GNAT1: variants seen among roughly 807,000 people sequenced by gnomAD.
GNAT1 encodes G protein subunit alpha transducin 1.
Under a neutral mutation model 40.0 loss-of-function variants are expected in GNAT1, and 36 were observed. The observed-to-expected ratio is 0.90, with a 90% CI of 0.69 to 1.19. The LOEUF (loss-of-function observed/expected upper bound fraction) is 1.19, where lower values mean the gene tolerates loss of function less well. Among genes scored for constraint, GNAT1 ranks in the 50% most tolerant of loss-of-function variants. GNAT1 has a pLI of 0.00. For synonymous variants in GNAT1, 195 were observed against 192.9 expected (o/e 1.01, Z -0.09); for missense variants, 413 against 480.6 (o/e 0.86, Z 1.32).
Position 50,191,625 on chromosome 3 carries a change from C to T in GNAT1, c.-101C>T. On this transcript the variant is annotated 5_prime_UTR_variant, in exon 1 of 9. Coordinates refer to ENST00000232461, the MANE Select transcript of GNAT1 (RefSeq NM_144499.3). ...GTAGAGAGCCAGTTGATTGCAGGTCCTCCTGGGGCCAGAAGGGTGCCTGGG... is the reference window on the plus strand; with the variant it reads ...GTAGAGAGCCAGTTGATTGCAGGTCTTCCTGGGGCCAGAAGGGTGCCTGGG... 1 of 847,020 alleles carries T rather than the reference C, an allele frequency of 1.2e-6. No individual in the cohort carries two copies. The highest frequency in any genetic ancestry group is 2.0e-6 in the Non-Finnish European group (1 of 492,454). 52.5% of individuals were successfully genotyped at this position (847,020 alleles called of 1,614,324 possible). A position where few individuals can be genotyped will look rare whatever the true frequency, so the allele number is the denominator to read the frequency against.
In GNAT1 at chr3:50,194,020, C is replaced by A; in HGVS notation, c.579-72C>A. The stretch of plus-strand genomic sequence containing the variant: ...GTGGTAGTCCCGGCCGAGAGCTCCC[C>A]GACCAGCACAGGGCGAAGGGATGTT... On this transcript the variant is annotated intron_variant, in intron 5 of 8. Coordinates refer to ENST00000232461, the MANE Select transcript of GNAT1 (RefSeq NM_144499.3). This position sits in a 1 kb window ranked among gnomAD's most constrained non-coding sequence, Gnocchi z 6.1. The A allele has an allele frequency of 6.2e-7, 1 of 1,608,914 alleles. No individual in the cohort carries two copies. The highest frequency in any genetic ancestry group is 1.1e-5 in the South Asian group (1 of 90,942).
chr3:50,194,848 T>C lies in GNAT1; in HGVS notation c.946T>C (p.Tyr316His). Residue 316 changes from tyrosine to histidine, a missense_variant, in exon 8 of 9, where the codon TAT (tyrosine) becomes CAT (histidine). By Grantham distance (83) the Tyr-to-His change is moderately conservative (BLOSUM62 2). Coordinates refer to ENST00000232461, the MANE Select transcript of GNAT1 (RefSeq NM_144499.3). This position sits in a 1 kb window ranked among gnomAD's most constrained non-coding sequence, Gnocchi z 6.1. Reference sequence around the variant, plus strand: ...CATGCGGCGCGACGTGAAGGAGATCTATTCCCACATGACGTGCGCCACCGA... The same window carrying C: ...CATGCGGCGCGACGTGAAGGAGATCCATTCCCACATGACGTGCGCCACCGA... ...LNMRRDVKEI[Y>H]SHMTCATDTQ... The C allele has an allele frequency of 6.2e-7, 1 of 1,613,876 alleles. No homozygotes were observed. The highest frequency in any genetic ancestry group is 8.5e-7 in the Non-Finnish European group (1 of 1,179,918).
chr3:50,194,738 G>A lies in GNAT1; in HGVS notation c.863-27G>A. ...CCCCGCACGGGGAAGGAAGGGCTGA[G>A]CAGAGTGAGAGCTCCCGCCCCCGCA... On this transcript the variant is annotated intron_variant, in intron 7 of 8. Coordinates refer to ENST00000232461, the MANE Select transcript of GNAT1 (RefSeq NM_144499.3). This position sits in a 1 kb window ranked among gnomAD's most constrained non-coding sequence, Gnocchi z 6.1. The A allele has an allele frequency of 1.2e-6, 2 of 1,612,448 alleles. No homozygotes were observed. Among genetic ancestry groups the A allele is most frequent in the Non-Finnish European group, 1.7e-6 (2 of 1,179,254 alleles).
Position 50,191,641 on chromosome 3 carries a change from G to T in GNAT1, c.-85G>T, listed in dbSNP as rs998341193. 1.0e-6 allele frequency: 1 copy of T among 975,756 alleles called. No homozygotes were observed. Among genetic ancestry groups the T allele is most frequent in the African/African-American group, 1.6e-5 (1 of 62,846 alleles). 60.4% of individuals were successfully genotyped at this position (975,756 alleles called of 1,614,324 possible). A position where few individuals can be genotyped will look rare whatever the true frequency, so the allele number is the denominator to read the frequency against. On this transcript the variant is annotated 5_prime_UTR_variant, in exon 1 of 9. Coordinates refer to ENST00000232461, the MANE Select transcript of GNAT1 (RefSeq NM_144499.3). ...TTGCAGGTCCTCCTGGGGCCAGAAGGGTGCCTGGGAGGCCAGGTTCTGGGG... is the reference window on the plus strand; with the variant it reads ...TTGCAGGTCCTCCTGGGGCCAGAAGTGTGCCTGGGAGGCCAGGTTCTGGGG...
chr3:50,191,948 T>G (rs1316022098), intron 1 of GNAT1, 117 bp downstream of exon 1: 3 of 726,106 alleles, frequency 4.1e-6, no homozygotes. Context: ...TGTGACAGAG[T>G]AGGGCACAGG....
At position 50,193,152 on chromosome 3, in the gene GNAT1, G is replaced by T. The variant is rs776367777; in HGVS notation, c.126G>T (p.Lys42Asn). ...LLLLGAGESG[K>N]STIVKQMKII... ...TTTCAGGTGCCGGTGAGTCCGGGAA[G>T]AGCACCATCGTCAAGCAGATGAAGT... The change falls in exon 2 of 9, where the codon AAG (lysine) becomes AAT (asparagine). Residue 42 changes from lysine (K) to asparagine (N), a missense_variant. Transcript: ENST00000232461. The surrounding 1 kb of genome is among the most constrained non-coding windows in gnomAD (Gnocchi z 8.1). 2 of 1,613,972 alleles carry T rather than the reference G, an allele frequency of 1.2e-6. No homozygotes were observed. The highest frequency in any genetic ancestry group is 1.7e-5 in the Admixed American group (1 of 60,010).
chr3:50,193,158 C>G lies in GNAT1; in HGVS notation c.132C>G (p.Thr44=). 1 of 1,613,976 alleles carries G rather than the reference C, an allele frequency of 6.2e-7. No individual in the cohort carries two copies. The highest frequency in any genetic ancestry group is 8.5e-7 in the Non-Finnish European group (1 of 1,179,978). ...LLGAGESGKS[T]IVKQMKIIHQ... ...GTGCCGGTGAGTCCGGGAAGAGCACCATCGTCAAGCAGATGAAGTGAGTGC... is the reference window on the plus strand; with the variant it reads ...GTGCCGGTGAGTCCGGGAAGAGCACGATCGTCAAGCAGATGAAGTGAGTGC... The change falls in exon 2 of 9, where the codon ACC becomes ACG. Residue 44 remains threonine, a synonymous_variant. Coordinates refer to ENST00000232461, the MANE Select transcript of GNAT1 (RefSeq NM_144499.3). The surrounding 1 kb of genome is among the most constrained non-coding windows in gnomAD (Gnocchi z 8.1).
intron 8 of GNAT1, 96 bp downstream of exon 8, chr3:50,195,052 C>T (rs1220662543): frequency 1.1e-6 from 1 of 882,448 alleles, no homozygotes; most frequent in African/African-American, 1.7e-5. Flanking sequence ...CCCCCAAATC[C>T]TGGAGCCTAC....
In GNAT1 at chr3:50,193,521, C is replaced by G. The variant is rs1222830660; in HGVS notation, c.307C>G (p.Leu103Val). Residue 103 changes from leucine (L) to valine (V), a missense_variant, in exon 4 of 9, where the codon CTG (leucine) becomes GTG (valine). By Grantham distance (32) the Leu-to-Val change is conservative. Coordinates refer to ENST00000232461, the MANE Select transcript of GNAT1 (RefSeq NM_144499.3). This position sits in a 1 kb window ranked among gnomAD's most constrained non-coding sequence, Gnocchi z 8.1. ...DSARQDDARK[L>V]MHMADTIEEG... ...CTGCCCCCAGGACGACGCCCGGAAG[C>G]TGATGCACATGGCAGACACTATCGA... The G allele has an allele frequency of 6.2e-7, 1 of 1,613,288 alleles. No individual in the cohort carries two copies. Among genetic ancestry groups the G allele is most frequent in the Non-Finnish European group, 8.5e-7 (1 of 1,179,884 alleles).
In GNAT1 at chr3:50,193,122, G is replaced by T. The variant is rs745833016; in HGVS notation, c.107-11G>T. The stretch of plus-strand genomic sequence containing the variant: ...GGTCAGCGCAGCTCTGAGGCGCCGC[G>T]TCTCTTTCAGGTGCCGGTGAGTCCG... On this transcript the variant is annotated splice_polypyrimidine_tract_variant and intron_variant, in intron 1 of 8. Coordinates refer to ENST00000232461, the MANE Select transcript of GNAT1 (RefSeq NM_144499.3). This position sits in a 1 kb window ranked among gnomAD's most constrained non-coding sequence, Gnocchi z 8.1. 9 of 1,613,668 alleles carry T rather than the reference G, an allele frequency of 5.6e-6. No homozygotes were observed. Among genetic ancestry groups the T allele is most frequent in the Non-Finnish European group, 7.6e-6 (9 of 1,179,986 alleles).
At position 50,194,476 on chromosome 3, in the gene GNAT1, G is replaced by A; in HGVS notation, c.709-25G>A. The A allele has an allele frequency of 6.2e-7, 1 of 1,611,530 alleles. No homozygotes were observed. Among genetic ancestry groups the A allele is most frequent in the Non-Finnish European group, 8.5e-7 (1 of 1,179,304 alleles). On this transcript the variant is annotated intron_variant, in intron 6 of 8. Coordinates refer to ENST00000232461, the MANE Select transcript of GNAT1 (RefSeq NM_144499.3). This position sits in a 1 kb window ranked among gnomAD's most constrained non-coding sequence, Gnocchi z 6.1. ...CTGCGGGTCGGACGCTACCCCGGGT[G>A]CCCAACAGCTGCTGCCCTCCTCAGA...
Position 50,193,366 on chromosome 3 carries a change from T to A in GNAT1, c.251T>A (p.Met84Lys). The change falls in exon 3 of 9, where the codon ATG becomes AAG. Residue 84 changes from methionine to lysine, a missense_variant. Met to Lys is a moderately conservative substitution (Grantham distance 95, BLOSUM62 -1). Transcript: ENST00000232461. The surrounding 1 kb of genome is among the most constrained non-coding windows in gnomAD (Gnocchi z 8.1). ...TCCATCCTGGCCATCGTACGCGCCA[T>A]GACCACACTCAACATCCAGTACGGA... ...LQSILAIVRA[M>K]TTLNIQYGDS... 1.9e-6 allele frequency: 3 copies of A among 1,614,112 alleles called. No homozygotes were observed. Among genetic ancestry groups the A allele is most frequent in the Non-Finnish European group, 2.5e-6 (3 of 1,180,020 alleles).
rs778292500 is a variant in GNAT1 at position 50,194,830 on chromosome 3, C to T, written c.928C>T (p.Arg310Cys). 6.2e-7 allele frequency: 1 copy of T among 1,613,916 alleles called. No homozygotes were observed. Among genetic ancestry groups the T allele is most frequent in the Non-Finnish European group, 8.5e-7 (1 of 1,179,982 alleles). ...KVQFLELNMR[R>C]DVKEIYSHMT... is the part of the protein sequence containing the mutation. ...GCAGTTCCTCGAGCTCAACATGCGG[C>T]GCGACGTGAAGGAGATCTATTCCCA... The change falls in exon 8 of 9, where the codon CGC becomes TGC. Residue 310 changes from arginine to cysteine, a missense_variant. Transcript: ENST00000232461. The surrounding 1 kb of genome is among the most constrained non-coding windows in gnomAD (Gnocchi z 6.1).
In GNAT1 at chr3:50,193,499, C is replaced by A. The variant is rs1699447468; in HGVS notation, c.292-7C>A. The A allele has an allele frequency of 1.9e-6, 3 of 1,613,228 alleles. No individual in the cohort carries two copies. The highest frequency in any genetic ancestry group is 2.5e-6 in the Non-Finnish European group (3 of 1,179,800). ...GCCGCCACCAGCCACTCTCACCCTG[C>A]CCCCAGGACGACGCCCGGAAGCTGA... On this transcript the variant is annotated splice_region_variant and splice_polypyrimidine_tract_variant and intron_variant, in intron 3 of 8. Transcript: ENST00000232461. The surrounding 1 kb of genome is among the most constrained non-coding windows in gnomAD (Gnocchi z 8.1).
intron 1 of GNAT1, 82 bp downstream of exon 1, chr3:50,191,913 G>T: frequency 2.2e-6 from 2 of 898,308 alleles, no homozygotes; most frequent in Non-Finnish European, 3.6e-6. Context: ...GTGAAGCAAG[G>T]ATTCCCTGGG....
chr3:50,191,614 G>T lies in GNAT1; in HGVS notation c.-112G>T. 1 of 783,126 alleles carries T rather than the reference G, an allele frequency of 1.3e-6. No homozygotes were observed. 48.5% of individuals were successfully genotyped at this position (783,126 alleles called of 1,614,324 possible). On this transcript the variant is annotated 5_prime_UTR_variant, in exon 1 of 9. Transcript: ENST00000232461. ...TGCACAGGTCCGTAGAGAGCCAGTT[G>T]ATTGCAGGTCCTCCTGGGGCCAGAA...
Position 50,193,415 on chromosome 3 carries a change from G to A in GNAT1, c.291+9G>A. 6.2e-7 allele frequency: 1 copy of A among 1,613,866 alleles called. No individual in the cohort carries two copies. The highest frequency in any genetic ancestry group is 8.5e-7 in the Non-Finnish European group (1 of 1,179,992). ...GAGACTCTGCACGCCAGGTGTGCCA[G>A]GAGGCGGGCTGAGCGGGCCTCTGGG... On this transcript the variant is annotated intron_variant, in intron 3 of 8. Transcript: ENST00000232461. This position sits in a 1 kb window ranked among gnomAD's most constrained non-coding sequence, Gnocchi z 8.1.
Position 50,197,541 on chromosome 3 carries a change from GC to G in GNAT1, c.*2276del, listed in dbSNP as rs1235389494. 6.6e-6 allele frequency among the ~76,000 whole-genome samples: 1 copy of G among 152,130 alleles called. No individual in the cohort carries two copies. The highest frequency in any genetic ancestry group is 1.5e-5 in the Non-Finnish European group (1 of 68,032). ...TGTCTTCAAGGTTTATTCATGTGTA[GC>G]ATATGGCAGAATCTCCTTCCTTTTT... On this transcript the variant is annotated 3_prime_UTR_variant, in exon 9 of 9. Transcript: ENST00000232461.
Position 50,194,649 on chromosome 3 carries a change from A to G in GNAT1, c.857A>G (p.Tyr286Cys). The change falls in exon 7 of 9, where the codon TAC (tyrosine) becomes TGC (cysteine). Residue 286 changes from tyrosine to cysteine, a missense_variant. By Grantham distance (194) the Tyr-to-Cys change is radical (BLOSUM62 -2). Transcript: ENST00000232461. This position sits in a 1 kb window ranked among gnomAD's most constrained non-coding sequence, Gnocchi z 6.1. The stretch of plus-strand genomic sequence containing the variant: ...CACCTCAGCATCTGTTTCCCGGACT[A>G]CGATGGTGAGAAGTCCGCAAGGCCG... ...KAHLSICFPD[Y>C]DGPNTYEDAG... 1 of 1,613,002 alleles carries G rather than the reference A, an allele frequency of 6.2e-7. No individual in the cohort carries two copies. The highest frequency in any genetic ancestry group is 8.5e-7 in the Non-Finnish European group (1 of 1,179,574).
Sources: gnomAD v4.1 joint callset for allele counts (sites outside exome capture counted in the v4.1 genomes callset) on GRCh38, gnomAD v4.1.1 for gene constraint, Gnocchi (gnomAD v3.1) non-coding constraint, MANE v1.5 for transcripts, NCBI Gene and HGNC (gene_info 2026-07-23, HGNC 2026-07-21) for gene names.